Variants in TEX11 observed in about 807,000 individuals in gnomAD.
TEX11 encodes the protein testis expressed 11.
Under a neutral mutation model 84.4 loss-of-function variants are expected in TEX11, and 7 were observed. That is an observed-to-expected ratio of 0.08 (90% confidence interval 0.05 to 0.16). The LOEUF (loss-of-function observed/expected upper bound fraction) is 0.16, where lower values mean the gene tolerates loss of function less well. Ranked by LOEUF, TEX11 falls within the 10% of genes least tolerant of loss-of-function variation. The pLI is 1.00. For missense variants in TEX11, 551 were observed against 660.5 expected (o/e 0.83, Z 1.82); for synonymous variants, 264 against 222.8 (o/e 1.18, Z -1.64).
chrX:70,721,491 T>C (rs893966219), intron 13 of TEX11, among the ~76,000 whole-genome samples: 1 of 112,105 alleles, frequency 8.9e-6, no homozygotes, highest in African/African-American at 3.2e-5. Context: ...CATCTAGCTC[T>C]ATAATTAGGT....
At chrX:70,814,765 A>C (rs17301923) in intron 8 of TEX11, among the ~76,000 whole-genome samples, 14,166 of 112,377 alleles carry the variant, frequency 0.13, 773 homozygotes, top group Middle Eastern at 0.25. Flanking sequence ...TTTCCTTTGC[A>C]TAAATAAAAG....
chrX:70,512,845 G>A, the TEX11 span, among the ~76,000 whole-genome samples: 1 of 108,490 alleles, frequency 9.2e-6, no homozygotes. Flanking sequence ...AGAGCTGTGG[G>A]AAACCCATCA....
chrX:70,701,840 C>T (rs2090328475), intron 13 of TEX11, among the ~76,000 whole-genome samples: 1 of 111,348 alleles, frequency 9.0e-6, no homozygotes, highest in Non-Finnish European at 1.9e-5. Context: ...GGGTTCAAGA[C>T]TTCAGTGGAG....
At chrX:70,591,861 C>T in intron 24 of TEX11, 38 bp from the exon 25 acceptor site, 3 of 1,019,197 alleles carry the variant, frequency 2.9e-6, no homozygotes, top group Non-Finnish European at 2.7e-6. Context: ...TTAGTCCCAA[C>T]AAAAAAGAAC....
chrX:70,847,701 C>G (rs1482375551), intron 7 of TEX11, among the ~76,000 whole-genome samples: 4 of 111,088 alleles, frequency 3.6e-5, no homozygotes, highest in African/African-American at 9.8e-5. Flanking sequence ...GCCACCATGC[C>G]TGGCTAATTT....
chrX:70,704,830 A>T (rs1422022310), intron 13 of TEX11, among the ~76,000 whole-genome samples: 8 of 107,424 alleles, frequency 7.4e-5, no homozygotes, highest in Non-Finnish European at 1.5e-4. Context: ...GGAAATGTTT[A>T]AAAAAAAAAG....
At chrX:70,719,006 T>A (rs943778668) in intron 13 of TEX11, among the ~76,000 whole-genome samples, 3 of 111,121 alleles carry the variant, frequency 2.7e-5, no homozygotes, top group Admixed American at 9.7e-5. Flanking sequence ...TTAACCTCCA[T>A]CTCAAAATTT....
intron 8 of TEX11, among the ~76,000 whole-genome samples, chrX:70,813,083 C>T (rs926035301): frequency 9.0e-6 from 1 of 111,629 alleles, no homozygotes; most frequent in African/African-American, 3.3e-5. Context: ...AGGAATCCTC[C>T]CTAACTCATT....
chrX:70,655,904 T>C (rs1215501654), intron 16 of TEX11, among the ~76,000 whole-genome samples: 1 of 111,476 alleles, frequency 9.0e-6, no homozygotes, highest in African/African-American at 3.3e-5. Context: ...AATGGCAATT[T>C]ATGGTAGCTT....
chrX:70,875,820 A>T (rs1017069944), intron 3 of TEX11, among the ~76,000 whole-genome samples: 29 of 111,872 alleles, frequency 2.6e-4, no homozygotes, highest in Admixed American at 2.6e-3. Flanking sequence ...AACACGGGAA[A>T]ATATTTATTA....
At chrX:70,576,545 T>C (rs761529965) in intron 25 of TEX11, among the ~76,000 whole-genome samples, 4 of 112,718 alleles carry the variant, frequency 3.5e-5, no homozygotes, top group South Asian at 3.6e-4. Flanking sequence ...CTAATACTTG[T>C]TCCAAGAGCT....
chrX:70,835,887 T>G (rs1318733070), intron 7 of TEX11, among the ~76,000 whole-genome samples: 2 of 110,878 alleles, frequency 1.8e-5, no homozygotes, highest in African/African-American at 6.5e-5. Context: ...CAAGGTAGAC[T>G]GATCACCTGA....
intron 28 of TEX11, among the ~76,000 whole-genome samples, chrX:70,532,553 T>C (rs2087901833): frequency 1.8e-5 from 2 of 109,022 alleles, no homozygotes; most frequent in African/African-American, 6.7e-5. Context: ...CTGACCAACA[T>C]GGAGAAACCC....
At chrX:70,767,799 A>G (rs2090949911) in intron 9 of TEX11, among the ~76,000 whole-genome samples, 1 of 112,154 alleles carries the variant, frequency 8.9e-6, no homozygotes, top group African/African-American at 3.2e-5. Context: ...GCCATAAAAA[A>G]GAGTGAGATT....
intron 8 of TEX11, among the ~76,000 whole-genome samples, chrX:70,824,215 T>A (rs2091332971): frequency 9.0e-6 from 1 of 111,341 alleles, no homozygotes; most frequent in African/African-American, 3.3e-5. Flanking sequence ...AACACCAAAC[T>A]GGTGGTAAGT....
chrX:70,719,933 T>C (rs1186395557), intron 13 of TEX11, among the ~76,000 whole-genome samples: 3 of 111,504 alleles, frequency 2.7e-5, no homozygotes, highest in Admixed American at 1.9e-4. Context: ...GACTGTAAAC[T>C]AGTTCAACCA....
chrX:70,889,170 C>G (rs2091724869), intron 2 of TEX11, among the ~76,000 whole-genome samples: 2 of 110,974 alleles, frequency 1.8e-5, no homozygotes, highest in Non-Finnish European at 3.8e-5. Context: ...AATCCCAGCA[C>G]TTTGGGAGGC....
chrX:70,780,069 C>T (rs2091028116), intron 9 of TEX11, among the ~76,000 whole-genome samples: 4 of 111,065 alleles, frequency 3.6e-5, no homozygotes, highest in Admixed American at 1.9e-4. Context: ...GAGTTTGAGA[C>T]CAGCAACCAG....
chrX:70,830,046 C>T (rs765578020), intron 8 of TEX11, among the ~76,000 whole-genome samples: 1 of 110,254 alleles, frequency 9.1e-6, no homozygotes, highest in East Asian at 2.8e-4. Flanking sequence ...AGACTAAACT[C>T]TCCAATCAAA....
Sources: allele counts gnomAD v4.1 joint callset (sites outside exome capture counted in the v4.1 genomes callset), GRCh38; gene constraint gnomAD v4.1.1; transcripts MANE v1.5; gene names NCBI Gene and HGNC (gene_info 2026-07-23, HGNC 2026-07-21).